The following DISP2 variants were observed in gnomAD, a reference collection of about 807,000 sequenced individuals.
The protein encoded by DISP2 is protein dispatched homolog 2.
DISP2 carries 59 observed loss-of-function variants against 95.5 expected under a neutral mutation model. The ratio of observed to expected loss-of-function variants is 0.62; its 90% CI spans 0.50 to 0.77. The LOEUF (loss-of-function observed/expected upper bound fraction) is 0.77. DISP2 is among the 30% of genes least tolerant of loss of function. The pLI, the probability that DISP2 is intolerant of heterozygous loss-of-function variation, is 0.00. For missense variants in DISP2, 1,752 were observed against 1,854.6 expected, an observed-to-expected ratio of 0.94 and a Z score of 1.02; for synonymous variants, 827 against 815.0, an observed-to-expected ratio of 1.01 and a Z score of -0.25.
rs1440506266 is a variant in DISP2 at position 40,370,889 on chromosome 15, G to C, written c.*571G>C. ...CTGCTCTCCTCATACTCACCGGTTT[G>C]ACCAGAAATTCTCCAAATCCAGCCA... On this transcript the variant is annotated 3_prime_UTR_variant, in exon 8 of 8. Transcript: ENST00000267889. 7.4e-6 allele frequency: 2 copies of C among 268,722 alleles called. No individual in the cohort carries two copies. The highest frequency in any genetic ancestry group is 8.4e-5 in the East Asian group (1 of 11,890). The allele number at this position is 268,722 out of a possible 1,614,324, so 16.6% of individuals were successfully genotyped here.
chr15:40,363,039 C>G (rs1396617173), intron 1 of DISP2, among the ~76,000 whole-genome samples: 1 of 151,980 alleles, frequency 6.6e-6, no homozygotes, highest in East Asian at 1.9e-4. Context: ...CGCGGTGGCT[C>G]ACGCCTGTAA....
chr15:40,359,371 A>C (rs549588969), intron 1 of DISP2, among the ~76,000 whole-genome samples: 61 of 152,370 alleles, frequency 4.0e-4, no homozygotes, highest in South Asian at 8.3e-4. Flanking sequence ...AGAAAGCCCC[A>C]CAAGTAGAGA....
In DISP2 at chr15:40,369,741, C is replaced by T. The variant is rs146580728; in HGVS notation, c.3629C>T (p.Ala1210Val). The change falls in exon 8 of 8, where the codon GCC (alanine) becomes GTC (valine). Residue 1210 changes from alanine (A) to valine (V), a missense_variant. Physicochemically the swap from Ala to Val is moderately conservative, Grantham distance 64. Coordinates refer to ENST00000267889, the MANE Select transcript of DISP2 (RefSeq NM_033510.3). ...DGPCCSRPPPAPASPRELLLD... is the reference protein window; with the variant it reads ...DGPCCSRPPPVPASPRELLLD... ...CCGTGCTGTTCCCGGCCCCCACCAG[C>T]CCCTGCCTCCCCAAGGGAGCTGCTG... The T allele has an allele frequency of 1.9e-6, 3 of 1,609,094 alleles. No individual in the cohort carries two copies. The highest frequency in any genetic ancestry group is 2.2e-5 in the East Asian group (1 of 44,842).
At position 40,364,903 on chromosome 15, in the gene DISP2, C is replaced by T; in HGVS notation, c.669C>T (p.Leu223=). 1 of 1,614,192 alleles carries T rather than the reference C, an allele frequency of 6.2e-7. No homozygotes were observed. The part of the protein sequence containing the change: ...KLVVWRALQA[L]TGPRKLLFLS... ...TGGTCTGGAGAGCACTACAAGCCCT[C>T]ACAGGCCCCAGGAAGCTGCTTTTCC... The change falls in exon 5 of 8, where the codon CTC becomes CTT. Residue 223 remains leucine (L), a synonymous_variant. Transcript: ENST00000267889.
At chr15:40,365,499 AG>A in intron 6 of DISP2, 128 bp from the exon 7 acceptor site, 3 of 1,284,828 alleles carry the variant, frequency 2.3e-6, no homozygotes, top group Non-Finnish European at 3.3e-6. Flanking sequence ...AGGATCAGGC[AG>A]TCCATGCACA....
rs1391222730 is a variant in DISP2 at position 40,369,013 on chromosome 15, G to T, written c.2901G>T (p.Val967=). ...GCCTGAGCACTGAGCCTGCTGTGGT[G>T]CTGGGCCTGGCTTTGGCGCTGGCCT... ...QHSLSTEPAV[V]LGLALALAFA... The change falls in exon 8 of 8, where the codon GTG becomes GTT. Residue 967 remains valine, a synonymous_variant. Coordinates refer to ENST00000267889, the MANE Select transcript of DISP2 (RefSeq NM_033510.3). 1 of 1,613,880 alleles carries T rather than the reference G, an allele frequency of 6.2e-7. No individual in the cohort carries two copies. Among genetic ancestry groups the T allele is most frequent in the East Asian group, 2.2e-5 (1 of 44,898 alleles).
chr15:40,364,899 C>G lies in DISP2; in HGVS notation c.665C>G (p.Ala222Gly), dbSNP rs779600517. The G allele has an allele frequency of 6.2e-7, 1 of 1,614,186 alleles. No individual in the cohort carries two copies. The highest frequency in any genetic ancestry group is 2.2e-5 in the East Asian group (1 of 44,884). ...TTAGTGGTCTGGAGAGCACTACAAGCCCTCACAGGCCCCAGGAAGCTGCTT... is the reference window on the plus strand; with the variant it reads ...TTAGTGGTCTGGAGAGCACTACAAGGCCTCACAGGCCCCAGGAAGCTGCTT... Reference protein sequence around the residue: ...SKLVVWRALQALTGPRKLLFL... With the variant: ...SKLVVWRALQGLTGPRKLLFL... The change falls in exon 5 of 8, where the codon GCC becomes GGC. Residue 222 changes from alanine to glycine, a missense_variant. This residue lies in a region of DISP2 where 342 missense variants were observed against 364.3 expected (regional missense o/e 0.94). Coordinates refer to ENST00000267889, the MANE Select transcript of DISP2 (RefSeq NM_033510.3).
Position 40,367,721 on chromosome 15 carries a change from A to G in DISP2, c.1609A>G (p.Met537Val). The change falls in exon 8 of 8, where the codon ATG becomes GTG. Residue 537 changes from methionine to valine, a missense_variant. By Grantham distance (21) the Met-to-Val change is conservative (BLOSUM62 1). Coordinates refer to ENST00000267889, the MANE Select transcript of DISP2 (RefSeq NM_033510.3). Reference protein sequence around the residue: ...AFFLYQVAFRMAYFPFVNLAA... With the variant: ...AFFLYQVAFRVAYFPFVNLAA... ...CTTCCTTTACCAGGTGGCCTTCCGC[A>G]TGGCCTACTTCCCCTTCGTCAATCT... The G allele has an allele frequency of 6.2e-7, 1 of 1,613,382 alleles. No homozygotes were observed. Among genetic ancestry groups the G allele is most frequent in the South Asian group, 1.1e-5 (1 of 91,074 alleles).
chr15:40,365,695 C>T lies in DISP2; in HGVS notation c.915C>T (p.Ile305=), dbSNP rs1368159721. ...GCAGCCTATGGAACCTGCATGCCAT[C>T]CATTCCATGTGTCGCATGGAACAGG... ...SSGSLWNLHA[I]HSMCRMEQDQ... is the part of the protein sequence containing the mutation. The change falls in exon 7 of 8, where the codon ATC becomes ATT. Residue 305 remains isoleucine (I), a synonymous_variant. Transcript: ENST00000267889. 6.2e-7 allele frequency: 1 copy of T among 1,614,100 alleles called. No individual in the cohort carries two copies. The highest frequency in any genetic ancestry group is 2.2e-5 in the East Asian group (1 of 44,884).
chr15:40,364,947 T>C lies in DISP2; in HGVS notation c.713T>C (p.Leu238Pro). 1 of 1,613,992 alleles carries C rather than the reference T, an allele frequency of 6.2e-7. No homozygotes were observed. Among genetic ancestry groups the C allele is most frequent in the Non-Finnish European group, 8.5e-7 (1 of 1,179,938 alleles). The change falls in exon 5 of 8, where the codon CTG (leucine) becomes CCG (proline). Residue 238 changes from leucine to proline, a missense_variant. By Grantham distance (98) the Leu-to-Pro change is moderately conservative. Coordinates refer to ENST00000267889, the MANE Select transcript of DISP2 (RefSeq NM_033510.3). Reference protein sequence around the residue: ...KLLFLSPDLELNSSSSHNTLR... With the variant: ...KLLFLSPDLEPNSSSSHNTLR... ...CTTTTCCTTTCCCCAGACCTTGAGC[T>C]GAACAGGTAACAGGCTCTCATCTTT...
chr15:40,368,279 G>A lies in DISP2; in HGVS notation c.2167G>A (p.Val723Ile), dbSNP rs946917008. The A allele has an allele frequency of 1.1e-5, 17 of 1,608,058 alleles. No individual in the cohort carries two copies. Among genetic ancestry groups the A allele is most frequent in the Non-Finnish European group, 1.3e-5 (15 of 1,178,108 alleles). Residue 723 changes from valine to isoleucine, a missense_variant, in exon 8 of 8, where the codon GTC (valine) becomes ATC (isoleucine). Val to Ile is a conservative substitution (Grantham distance 29). Coordinates refer to ENST00000267889, the MANE Select transcript of DISP2 (RefSeq NM_033510.3). ...GGCAGGGGGCGCCTACATCGCCGGA[G>A]TCAGCCCCCGCCTGCGGCTGCCCAC... is the stretch of plus-strand genomic sequence containing the variant. ...LAAGGAYIAG[V>I]SPRLRLPTLP...
Position 40,365,162 on chromosome 15 carries a change from C to T in DISP2, c.735C>T (p.Asn245=). Residue 245 remains asparagine (N), a synonymous_variant, in exon 6 of 8, where the codon AAC becomes AAT. Transcript: ENST00000267889. ...TCCACTTCAGCTCGAGCTCCCACAACACTCTGAGGCCTGCACCCAGAGGCA... is the reference window on the plus strand; with the variant it reads ...TCCACTTCAGCTCGAGCTCCCACAATACTCTGAGGCCTGCACCCAGAGGCA... ...DLELNSSSSH[N]TLRPAPRGSA... The T allele has an allele frequency of 6.2e-7, 1 of 1,613,864 alleles. No homozygotes were observed. The highest frequency in any genetic ancestry group is 8.5e-7 in the Non-Finnish European group (1 of 1,179,884).
Position 40,368,443 on chromosome 15 carries a change from C to T in DISP2, c.2331C>T (p.Gly777=), listed in dbSNP as rs1056077630. 7 of 1,609,422 alleles carry T rather than the reference C, an allele frequency of 4.3e-6. No homozygotes were observed. In the African/African-American group the frequency reaches 5.3e-5, roughly 12 times the overall value. Residue 777 remains glycine (G), a synonymous_variant, in exon 8 of 8, where the codon GGC becomes GGT. Transcript: ENST00000267889. ...ACATGCCCGTGGTTTTGGTGTGGGG[C>T]GTCCTGCCTGTGGACACTGGCGACC... ...GGHMPVVLVW[G]VLPVDTGDPL... is the part of the protein sequence containing the mutation.
rs199525888 is a variant in DISP2, at chr15:40,374,012, A to ATATATATAT, written c.*3694_*3695insTATATATAT. On this transcript the variant is annotated 3_prime_UTR_variant, in exon 8 of 8. Transcript: ENST00000267889. ...GAGCGAGACTCCATCTTAAAAAAAAAAAATATATATATATATATATGTAAA... is the reference window on the plus strand; with the variant it reads ...GAGCGAGACTCCATCTTAAAAAAAAATATATATATAAATATATATATATATATATGTAAA... 1.9e-4 allele frequency: 17 copies of ATATATATAT among 89,482 alleles called. No individual in the cohort carries two copies. The highest frequency in any genetic ancestry group is 9.7e-4 in the African/African-American group (17 of 17,498). 5.5% of individuals were successfully genotyped at this position (89,482 alleles called of 1,614,324 possible).
chr15:40,367,795 C>T lies in DISP2; in HGVS notation c.1683C>T (p.Ile561=), dbSNP rs201955907. Residue 561 remains isoleucine, a synonymous_variant, in exon 8 of 8, where the codon ATC becomes ATT. Transcript: ENST00000267889. ...GCGTCTGCGCCAACCACACGCTCAT[C>T]TTCTTCGACCTGTGGCGCCTTAGCA... ...LSSVCANHTL[I]FFDLWRLSKS... is the part of the protein sequence containing the mutation. 5.0e-4 allele frequency: 803 copies of T among 1,606,952 alleles called. No homozygotes were observed. Among genetic ancestry groups the T allele is most frequent in the Non-Finnish European group, 6.6e-4 (781 of 1,179,994 alleles).
chr15:40,368,754 A>G lies in DISP2; in HGVS notation c.2642A>G (p.Glu881Gly). The G allele has an allele frequency of 6.2e-7, 1 of 1,613,722 alleles. No homozygotes were observed. The highest frequency in any genetic ancestry group is 8.5e-7 in the Non-Finnish European group (1 of 1,180,008). The part of the protein sequence containing the change: ...FLHCLKMMAL[E>G]QGPDGTQDLG... Reference sequence around the variant, plus strand: ...CACTGCCTGAAAATGATGGCTCTGGAGCAAGGCCCCGATGGCACCCAGGAC... The same window carrying G: ...CACTGCCTGAAAATGATGGCTCTGGGGCAAGGCCCCGATGGCACCCAGGAC... The change falls in exon 8 of 8, where the codon GAG becomes GGG. Residue 881 changes from glutamate to glycine, a missense_variant. Around this residue, in one of 5 missense-constraint regions of DISP2, gnomAD observed 317 missense variants for 394.9 expected, o/e 0.80. Transcript: ENST00000267889.
rs1489814249 is a variant in DISP2 at position 40,375,040 on chromosome 15, C to T, written c.*4722C>T. 6.6e-6 allele frequency: 1 copy of T among 152,200 alleles called. No homozygotes were observed. The highest frequency in any genetic ancestry group is 1.5e-5 in the Non-Finnish European group (1 of 68,030). 9.4% of individuals were successfully genotyped at this position (152,200 alleles called of 1,614,324 possible). ...TGATAGGAAAGACAGACATTCCTCA[C>T]CCTTTCTACCCACACCCTTGTTCAC... On this transcript the variant is annotated 3_prime_UTR_variant, in exon 8 of 8. Transcript: ENST00000267889.
At chr15:40,363,504 T>C in intron 1 of DISP2, 121 bp from the exon 2 acceptor site, 1 of 740,072 alleles carries the variant, frequency 1.4e-6, no homozygotes, top group South Asian at 2.3e-5. Context: ...CCCCCAGGAC[T>C]AATAAATCAA....
Position 40,368,446 on chromosome 15 carries a change from C to T in DISP2, c.2334C>T (p.Val778=). ...GHMPVVLVWG[V]LPVDTGDPLD... The stretch of plus-strand genomic sequence containing the variant: ...TGCCCGTGGTTTTGGTGTGGGGCGT[C>T]CTGCCTGTGGACACTGGCGACCCTC... Residue 778 remains valine, a synonymous_variant, in exon 8 of 8, where the codon GTC becomes GTT. Coordinates refer to ENST00000267889, the MANE Select transcript of DISP2 (RefSeq NM_033510.3). The T allele has an allele frequency of 1.2e-6, 2 of 1,609,668 alleles. No individual in the cohort carries two copies. Among genetic ancestry groups the T allele is most frequent in the Non-Finnish European group, 1.7e-6 (2 of 1,179,878 alleles).
Sources: gnomAD v4.1 joint callset for allele counts (sites outside exome capture counted in the v4.1 genomes callset) on GRCh38, gnomAD v4.1.1 for gene constraint, gnomAD v4.1.1 regional missense constraint, MANE v1.5 for transcripts, NCBI Gene and HGNC (gene_info 2026-07-23, HGNC 2026-07-21) for gene names.